VPS13D: variants seen among roughly 807,000 people sequenced by gnomAD.
VPS13D encodes the protein intermembrane lipid transfer protein VPS13D.
VPS13D carries 187 observed loss-of-function variants against 461.9 expected under a neutral mutation model. The observed-to-expected ratio is 0.40, with a 90% CI of 0.36 to 0.46. VPS13D has a LOEUF of 0.46. Ranked by LOEUF, VPS13D falls within the 20% of genes least tolerant of loss-of-function variation. VPS13D has a pLI of 0.60. For synonymous variants in VPS13D, 1,951 were observed against 1,986.3 expected (o/e 0.98, Z 0.47); for missense variants, 4,711 against 5,364.9 (o/e 0.88, Z 3.81).
chr1:12,497,273 T>C (rs985911356), intron 67 of VPS13D: 1 of 353,578 alleles, frequency 2.8e-6, no homozygotes, highest in African/African-American at 2.1e-5. Flanking sequence ...GTAACCAACT[T>C]ATCCATGATC....
intron 25 of VPS13D, among the ~76,000 whole-genome samples, chr1:12,301,229 T>G (rs1278900171): frequency 6.6e-6 from 1 of 152,200 alleles, no homozygotes; most frequent in African/African-American, 2.4e-5. Flanking sequence ...AGATACCAAC[T>G]TGTCTATAAT....
intron 21 of VPS13D, among the ~76,000 whole-genome samples, chr1:12,284,537 G>A (rs890382398): frequency 7.9e-5 from 12 of 152,312 alleles, no homozygotes; most frequent in African/African-American, 2.9e-4. Flanking sequence ...AGACCAGTAG[G>A]ATGTGAAAGC....
chr1:12,340,931 A>G (rs1017830667), intron 40 of VPS13D, among the ~76,000 whole-genome samples: 4 of 152,216 alleles, frequency 2.6e-5, no homozygotes, highest in Non-Finnish European at 5.9e-5. Flanking sequence ...TCTGTGTTCC[A>G]TGTGGAACCA....
At chr1:12,247,416 C>CA (rs756459129) in intron 5 of VPS13D, among the ~76,000 whole-genome samples, 80 of 90,838 alleles carry the variant, frequency 8.8e-4, no homozygotes, top group Admixed American at 1.3e-3. Context: ...GACTCCATCT[C>CA]AAAAAAAAAA....
At position 12,403,942 on chromosome 1, in the gene VPS13D, T is replaced by G; in HGVS notation, c.11999T>G (p.Phe4000Cys). The G allele has an allele frequency of 1.2e-6, 2 of 1,609,354 alleles. No individual in the cohort carries two copies. The highest frequency in any genetic ancestry group is 1.7e-6 in the Non-Finnish European group (2 of 1,178,820). ...ISIPQIKLSV[F>C]TSNKLPLDLK... ...ATTCCTCAGATCAAGCTAAGTGTGT[T>G]CACCTCCAACAAGCTCCCATTGGAT... The change falls in exon 63 of 70, where the codon TTC becomes TGC. Residue 4000 changes from phenylalanine (F) to cysteine (C), a missense_variant. Physicochemically the swap from Phe to Cys is radical, Grantham distance 205. Around this residue, in one of 3 missense-constraint regions of VPS13D, gnomAD observed 4,411 missense variants for 4,937.8 expected, o/e 0.89. Transcript: ENST00000620676.
At chr1:12,499,730 G>C (rs1298180703) in intron 68 of VPS13D, 1 of 985,386 alleles carries the variant, frequency 1.0e-6, no homozygotes. Context: ...AAGGAGGCAC[G>C]TGACCACGGC....
rs1446833125 is a variant in VPS13D at position 12,495,339 on chromosome 1, A to G, written c.12663-2161A>G. Among the ~76,000 whole-genome samples the G allele has an allele frequency of 2.6e-5, 4 of 151,504 alleles. No homozygotes were observed. The highest frequency in any genetic ancestry group is 1.9e-4 in the East Asian group (1 of 5,138). The stretch of plus-strand genomic sequence containing the variant: ...ACCCCAGCTAATTTTTTGTATTTTT[A>G]GTAGTATTTTTAGTTTCACCGTGTT... On this transcript the variant is annotated intron_variant, in intron 67 of 69. Coordinates refer to ENST00000620676, the MANE Select transcript of VPS13D (RefSeq NM_015378.4). This position sits in a 1 kb window ranked among gnomAD's most constrained non-coding sequence, Gnocchi z 4.0.
chr1:12,478,863 CG>C (rs1246623636), intron 67 of VPS13D: 2 of 455,920 alleles, frequency 4.4e-6, no homozygotes, highest in African/African-American at 4.0e-5. Context: ...GAGGCCGCAT[CG>C]GTGGCAGAGG....
intron 66 of VPS13D, among the ~76,000 whole-genome samples, chr1:12,459,939 T>C (rs1645386418): frequency 6.7e-6 from 1 of 149,354 alleles, no homozygotes; most frequent in Non-Finnish European, 1.5e-5. Flanking sequence ...ACCTCTCAGC[T>C]TTTCTCTGAT....
intron 60 of VPS13D, among the ~76,000 whole-genome samples, chr1:12,388,491 T>C (rs1644378526): frequency 6.6e-6 from 1 of 151,518 alleles, no homozygotes; most frequent in Non-Finnish European, 1.5e-5. Flanking sequence ...GGAGAATTGC[T>C]GGAACCTAGG....
chr1:12,244,418 C>T lies in VPS13D; in HGVS notation c.348C>T (p.Ala116=), dbSNP rs747953454. 9 of 1,613,982 alleles carry T rather than the reference C, an allele frequency of 5.6e-6. No individual in the cohort carries two copies. The East Asian group carries it at 1.8e-4, about 32-fold the overall frequency. ...ERERKKALLQ[A]LEEKWKNDRQ... ...AACGTAAGAAAGCACTACTTCAAGC[C>T]CTGGAGGAGAAATGGAAGGCAAGGC... Residue 116 remains alanine, a synonymous_variant, in exon 4 of 70, where the codon GCC becomes GCT. Coordinates refer to ENST00000620676, the MANE Select transcript of VPS13D (RefSeq NM_015378.4).
intron 60 of VPS13D, among the ~76,000 whole-genome samples, chr1:12,399,975 C>T (rs1332512389): frequency 6.6e-6 from 1 of 152,100 alleles, no homozygotes; most frequent in Non-Finnish European, 1.5e-5. Context: ...TAGAAAAGCA[C>T]TCCCCTAATG....
At chr1:12,448,115 T>C (rs1442819354) in intron 65 of VPS13D, among the ~76,000 whole-genome samples, 1 of 152,134 alleles carries the variant, frequency 6.6e-6, no homozygotes, top group Non-Finnish European at 1.5e-5. Context: ...TCTCCCTGTT[T>C]TGTAGATGAA....
chr1:12,262,863 C>T (rs1641154239), intron 13 of VPS13D, among the ~76,000 whole-genome samples: 1 of 151,982 alleles, frequency 6.6e-6, no homozygotes. Flanking sequence ...GCCACCATGC[C>T]CAGCTAATTT....
Position 12,505,276 on chromosome 1 carries a change from C to T in VPS13D, c.12795-1577C>T, listed in dbSNP as rs565370117. ...TTTCCCTGTGCCCTCCTTTCTTCCC[C>T]GGACCAGCTATTTCAGATTCCATTC... On this transcript the variant is annotated intron_variant, in intron 68 of 69. Coordinates refer to ENST00000620676, the MANE Select transcript of VPS13D (RefSeq NM_015378.4). The surrounding 1 kb of genome is among the most constrained non-coding windows in gnomAD (Gnocchi z 4.2). Among the ~76,000 whole-genome samples the T allele has an allele frequency of 2.0e-5, 3 of 152,222 alleles. No individual in the cohort carries two copies. Among genetic ancestry groups the T allele is most frequent in the Admixed American group, 1.3e-4 (2 of 15,280 alleles).
chr1:12,367,713 TCTC>T lies in VPS13D; in HGVS notation c.10449-752_10449-750del. Reference sequence around the variant, plus strand: ...GCTCCGCCTCCCAGGTTCACACCATTCTCCTGCTTCAGCCTCCTGAGTAGCTGG... The same window carrying T: ...GCTCCGCCTCCCAGGTTCACACCATTCTGCTTCAGCCTCCTGAGTAGCTGG... On this transcript the variant is annotated intron_variant, in intron 52 of 69. Transcript: ENST00000620676. 2.6e-5 allele frequency: 4 copies of T among 152,118 alleles called. No individual in the cohort carries two copies. In the East Asian group the frequency reaches 7.7e-4, roughly 29 times the overall value. 9.4% of individuals were successfully genotyped at this position (152,118 alleles called of 1,614,324 possible).
rs1317952099 is a variant in VPS13D at position 12,507,504 on chromosome 1, A to C, written c.13035+411A>C. 1 of 464,976 alleles carries C rather than the reference A, an allele frequency of 2.2e-6. No homozygotes were observed. Among genetic ancestry groups the C allele is most frequent in the Non-Finnish European group, 4.3e-6 (1 of 234,460 alleles). 28.8% of individuals were successfully genotyped at this position (464,976 alleles called of 1,614,324 possible). A position where few individuals can be genotyped will look rare whatever the true frequency, so the allele number is the denominator to read the frequency against. On this transcript the variant is annotated intron_variant, in intron 69 of 69. Transcript: ENST00000620676. The surrounding 1 kb of genome is among the most constrained non-coding windows in gnomAD (Gnocchi z 5.3). ...GGTTTCTCCATTGTTTCTCCTTAAC[A>C]GTGGAAACCGTAACTTTTGTTCTAG...
chr1:12,379,454 G>A (rs1644243363), intron 56 of VPS13D, 34 bp from the exon 57 acceptor site: 1 of 1,589,430 alleles, frequency 6.3e-7, no homozygotes, highest in African/African-American at 1.3e-5. Context: ...TTGACTCGGA[G>A]GTTTCATGGT....
chr1:12,355,133 A>G (rs1643874579), intron 47 of VPS13D, among the ~76,000 whole-genome samples: 1 of 152,206 alleles, frequency 6.6e-6, no homozygotes, highest in Non-Finnish European at 1.5e-5. Context: ...TCAGCAGTGT[A>G]TGAGTGGGTT....
Sources: gnomAD v4.1 joint callset for allele counts (sites outside exome capture counted in the v4.1 genomes callset) on GRCh38, gnomAD v4.1.1 for gene constraint, gnomAD v4.1.1 regional missense constraint, Gnocchi (gnomAD v3.1) non-coding constraint, MANE v1.5 for transcripts, NCBI Gene and HGNC (gene_info 2026-07-23, HGNC 2026-07-21) for gene names.